PREP: variants seen among roughly 807,000 people sequenced by gnomAD.
PREP encodes the protein dJ355L5.1 (prolyl endopeptidase).
In PREP, 29 loss-of-function variants were observed where a neutral mutation model predicts 87.6. The observed-to-expected ratio is 0.33, with a 90% CI of 0.25 to 0.45. PREP has a LOEUF of 0.45. Ranked by LOEUF, PREP falls within the 20% of genes least tolerant of loss-of-function variation. The probability of loss-of-function intolerance (pLI) is 1.00; values close to 1 mark genes in which losing one functional copy is unlikely to be tolerated. For synonymous variants in PREP, 337 were observed against 328.6 expected (o/e 1.03, Z -0.28); for missense variants, 695 against 886.5 (o/e 0.78, Z 2.74).
intron 12 of PREP, 128 bp downstream of exon 12, chr6:105,285,358 G>A (rs1770170144): frequency 1.3e-6 from 1 of 784,476 alleles, no homozygotes; most frequent in Non-Finnish European, 2.0e-6. Flanking sequence ...TAATATCCTT[G>A]TTTTTCATTC....
chr6:105,282,984 C>G (rs1423458369), intron 12 of PREP, among the ~76,000 whole-genome samples: 1 of 152,176 alleles, frequency 6.6e-6, no homozygotes, highest in African/African-American at 2.4e-5. Flanking sequence ...TAGGTTGCAC[C>G]CAGCACCCGA....
intron 14 of PREP, among the ~76,000 whole-genome samples, chr6:105,280,427 T>C (rs1264818687): frequency 1.3e-5 from 2 of 152,184 alleles, no homozygotes; most frequent in Admixed American, 1.3e-4. Context: ...AACTCTTACA[T>C]ATGGGGAATG....
intron 10 of PREP, among the ~76,000 whole-genome samples, chr6:105,308,467 G>A (rs1471020804): frequency 6.6e-6 from 1 of 152,048 alleles, no homozygotes; most frequent in Admixed American, 6.5e-5. Flanking sequence ...GCTCTATAAG[G>A]GAGGCATAGT....
At chr6:105,297,878 A>G (rs1406508062) in intron 10 of PREP, among the ~76,000 whole-genome samples, 2 of 152,184 alleles carry the variant, frequency 1.3e-5, no homozygotes, top group African/African-American at 4.8e-5. Context: ...TCCACAATGA[A>G]CAGATAAGAT....
intron 7 of PREP, among the ~76,000 whole-genome samples, chr6:105,339,078 C>A (rs1390281846): frequency 6.6e-6 from 1 of 152,248 alleles, no homozygotes; most frequent in African/African-American, 2.4e-5. Flanking sequence ...AACGAACAGA[C>A]TGCCTCCTAA....
chr6:105,310,466 C>T (rs1204603185), intron 10 of PREP, among the ~76,000 whole-genome samples: 1 of 152,184 alleles, frequency 6.6e-6, no homozygotes, highest in Non-Finnish European at 1.5e-5. Flanking sequence ...CACCAATAAT[C>T]CACCTTGTCA....
intron 12 of PREP, among the ~76,000 whole-genome samples, chr6:105,283,918 G>C (rs1478699114): frequency 1.3e-5 from 2 of 152,172 alleles, no homozygotes; most frequent in African/African-American, 4.8e-5. Context: ...CTGATGACCA[G>C]AGGGGTTTTC....
chr6:105,283,709 G>C (rs1770128171), intron 12 of PREP, among the ~76,000 whole-genome samples: 3 of 152,150 alleles, frequency 2.0e-5, no homozygotes, highest in Admixed American at 2.0e-4. Context: ...AACTGGAAAA[G>C]GTCTATTTCT....
chr6:105,320,567 C>G (rs1583053362), intron 10 of PREP, among the ~76,000 whole-genome samples: 1 of 152,172 alleles, frequency 6.6e-6, no homozygotes, highest in East Asian at 1.9e-4. Flanking sequence ...TCAGCTACAC[C>G]ACCAGGTAGG....
chr6:105,401,541 G>A (rs2114742495), intron 1 of PREP, among the ~76,000 whole-genome samples: 1 of 152,340 alleles, frequency 6.6e-6, no homozygotes, highest in South Asian at 2.1e-4. Flanking sequence ...ACCAGAACTA[G>A]CGCTCTGGTC....
rs1255582057 is a variant in PREP at position 105,320,940 on chromosome 6, T to C, written c.1317+2725A>G. Among the ~76,000 whole-genome samples, 6 of 152,334 alleles carry C rather than the reference T, an allele frequency of 3.9e-5. No homozygotes were observed. In the South Asian group the frequency reaches 1.2e-3, roughly 32 times the overall value. ...GTTGGCAACACTGCCAAGAGCCTAATCAAAATGTGAGAACATCTGTCACGC... is the reference window on the plus strand; with the variant it reads ...GTTGGCAACACTGCCAAGAGCCTAACCAAAATGTGAGAACATCTGTCACGC... On this transcript the variant is annotated intron_variant, in intron 10 of 14. Transcript: ENST00000652536.
At chr6:105,359,973 G>A (rs1772203555) in intron 6 of PREP, among the ~76,000 whole-genome samples, 1 of 152,172 alleles carries the variant, frequency 6.6e-6, no homozygotes, top group Admixed American at 6.5e-5. Context: ...CTCAGAGTCT[G>A]CTTCCCAGGG....
At chr6:105,303,628 G>A (rs1770592292) in intron 10 of PREP, among the ~76,000 whole-genome samples, 2 of 152,096 alleles carry the variant, frequency 1.3e-5, no homozygotes, top group Admixed American at 6.5e-5. Flanking sequence ...TTCATCCTTT[G>A]CTTAAATATT....
chr6:105,283,590 G>A (rs1239627822), intron 12 of PREP, among the ~76,000 whole-genome samples: 1 of 152,126 alleles, frequency 6.6e-6, no homozygotes, highest in Non-Finnish European at 1.5e-5. Flanking sequence ...TAGTTACTAG[G>A]AATAACAATA....
intron 2 of PREP, among the ~76,000 whole-genome samples, chr6:105,380,876 C>T (rs1236479082): frequency 1.3e-5 from 2 of 152,200 alleles, no homozygotes; most frequent in African/African-American, 4.8e-5. Flanking sequence ...GGCTGCTCAA[C>T]AGATTGCTCA....
chr6:105,295,507 G>A (rs1179843730), intron 10 of PREP, among the ~76,000 whole-genome samples: 2 of 151,650 alleles, frequency 1.3e-5, no homozygotes, highest in East Asian at 1.9e-4. Context: ...CATTAATCCC[G>A]AGTACCCCAT....
chr6:105,400,452 A>T (rs528187068), intron 1 of PREP, among the ~76,000 whole-genome samples: 12 of 152,216 alleles, frequency 7.9e-5, no homozygotes, highest in Non-Finnish European at 1.5e-4. Context: ...CCACCCTACA[A>T]ACAAATGCAA....
In PREP at chr6:105,328,822, C is replaced by G; in HGVS notation, c.1213+7G>C. 6.2e-7 allele frequency: 1 copy of G among 1,613,572 alleles called. No individual in the cohort carries two copies. The highest frequency in any genetic ancestry group is 8.5e-7 in the Non-Finnish European group (1 of 1,179,554). ...AAAGTGAACAGCAACAGTGAAAAAA[C>G]ACTTACCTGGAGATAAAAAGGAAGT... On this transcript the variant is annotated splice_region_variant and intron_variant, in intron 9 of 14. Coordinates refer to ENST00000652536, the MANE Select transcript of PREP (RefSeq NM_002726.5).
rs911081644 is a variant in PREP, at chr6:105,282,360, A to AAAGTT, written c.1681+86_1681+90dup. 2.7e-6 allele frequency: 4 copies of AAAGTT among 1,468,382 alleles called. No homozygotes were observed. The African/African-American group carries it at 5.8e-5, about 21-fold the overall frequency. 91.0% of individuals were successfully genotyped at this position (1,468,382 alleles called of 1,614,324 possible). A position where few individuals can be genotyped will look rare whatever the true frequency, so the allele number is the denominator to read the frequency against. On this transcript the variant is annotated intron_variant, in intron 13 of 14. Transcript: ENST00000652536. The stretch of plus-strand genomic sequence containing the variant: ...TATACCACTTTGTGGTCCTATCCAC[A>AAAGTT]AAGTTAAGTCAAGAGCTGCCTACAG...
Sources: gnomAD v4.1 joint callset for allele counts (sites outside exome capture counted in the v4.1 genomes callset) on GRCh38, gnomAD v4.1.1 for gene constraint, MANE v1.5 for transcripts, NCBI Gene and HGNC (gene_info 2026-07-23, HGNC 2026-07-21) for gene names.